ZNF423: variants seen among roughly 807,000 people sequenced by gnomAD.
ZNF423 encodes zinc finger protein 423.
A neutral mutation model predicts 95.8 loss-of-function variants in ZNF423; 12 were observed. The ratio of observed to expected loss-of-function variants is 0.13; its 90% CI spans 0.08 to 0.20. ZNF423 has a LOEUF of 0.20. Ranked by LOEUF, ZNF423 falls within the 10% of genes least tolerant of loss-of-function variation. ZNF423 has a pLI of 1.00. For synonymous variants in ZNF423, 749 were observed against 711.9 expected, an observed-to-expected ratio of 1.05 and a Z score of -0.83; for missense variants, 1,316 against 1,737.1, an observed-to-expected ratio of 0.76 and a Z score of 4.31.
At chr16:49,735,256 T>C (rs544409310) in intron 2 of ZNF423, among the ~76,000 whole-genome samples, 1 of 152,262 alleles carries the variant, frequency 6.6e-6, no homozygotes, top group African/African-American at 2.4e-5. Context: ...AGCAGGAAGA[T>C]TTCCGTTAAG....
chr16:49,783,726 C>T (rs1279420152), intron 2 of ZNF423, among the ~76,000 whole-genome samples: 1 of 151,942 alleles, frequency 6.6e-6, no homozygotes, highest in African/African-American at 2.4e-5. Context: ...CACTGGGAGC[C>T]TTTGGAAGGC....
At chr16:49,509,658 A>G (rs1967800605) in intron 7 of ZNF423, among the ~76,000 whole-genome samples, 1 of 152,088 alleles carries the variant, frequency 6.6e-6, no homozygotes, top group Non-Finnish European at 1.5e-5. Context: ...GGGCTAAGAC[A>G]TCCCCAGCCA....
intron 1 of ZNF423, among the ~76,000 whole-genome samples, chr16:49,814,802 G>C (rs548448857): frequency 7.9e-5 from 12 of 151,024 alleles, no homozygotes; most frequent in Admixed American, 1.3e-4. Context: ...GGCTCTGATA[G>C]GGGTGAGCCT....
At chr16:49,832,981 A>T (rs1487527482) in intron 1 of ZNF423, among the ~76,000 whole-genome samples, 1 of 152,214 alleles carries the variant, frequency 6.6e-6, no homozygotes, top group Non-Finnish European at 1.5e-5. Context: ...ATCAAAACAC[A>T]TCTGTGAGCA....
intron 7 of ZNF423, among the ~76,000 whole-genome samples, chr16:49,510,762 C>T (rs561018265): frequency 1.3e-4 from 20 of 152,116 alleles, no homozygotes; most frequent in Non-Finnish European, 2.2e-4. Flanking sequence ...GCCGGTGAGG[C>T]GCCGCCACTC....
At chr16:49,695,613 A>G (rs2031939841) in intron 3 of ZNF423, among the ~76,000 whole-genome samples, 1 of 151,252 alleles carries the variant, frequency 6.6e-6, no homozygotes, top group Admixed American at 6.6e-5. Context: ...TTTTAGTAGA[A>G]GCGGAGTTTC....
At chr16:49,844,511 G>A (rs551516197) in intron 1 of ZNF423, among the ~76,000 whole-genome samples, 1 of 152,280 alleles carries the variant, frequency 6.6e-6, no homozygotes, top group South Asian at 2.1e-4. Context: ...CAGAGGCTGG[G>A]GCAGCGGGAG....
intron 2 of ZNF423, among the ~76,000 whole-genome samples, chr16:49,770,203 CGAAT>C (rs10661234): frequency 1.8e-4 from 27 of 150,816 alleles, no homozygotes; most frequent in Admixed American, 1.3e-3. Context: ...AAAGAATGAA[CGAAT>C]GAATGAATGA....
chr16:49,748,173 C>A (rs74413956), intron 2 of ZNF423, among the ~76,000 whole-genome samples: 1 of 152,198 alleles, frequency 6.6e-6, no homozygotes. Flanking sequence ...AGAACAGTGC[C>A]TGGCACGTAG....
chr16:49,731,296 A>G (rs1331808650), intron 2 of ZNF423: 1 of 984,874 alleles, frequency 1.0e-6, no homozygotes, highest in African/African-American at 1.7e-5. Flanking sequence ...TCAGTTACAC[A>G]CCTTTTTAAA....
intron 1 of ZNF423, among the ~76,000 whole-genome samples, chr16:49,811,181 CG>C (rs945991885): frequency 6.6e-6 from 1 of 151,916 alleles, no homozygotes; most frequent in African/African-American, 2.4e-5. Context: ...ACAGATGGGA[CG>C]ATTTCAAGAA....
At chr16:49,738,040 T>G (rs1392566183) in intron 2 of ZNF423, among the ~76,000 whole-genome samples, 1 of 152,184 alleles carries the variant, frequency 6.6e-6, no homozygotes, top group Non-Finnish European at 1.5e-5. Context: ...CAGAGAGACC[T>G]AGGACAGAGC....
At chr16:49,731,434 G>T (rs2033165586) in intron 2 of ZNF423, 1 of 940,640 alleles carries the variant, frequency 1.1e-6, no homozygotes, top group South Asian at 4.9e-5. Flanking sequence ...AGTGACGTTG[G>T]CTCAGTTCTT....
intron 5 of ZNF423, among the ~76,000 whole-genome samples, chr16:49,619,560 T>C (rs1971987054): frequency 6.6e-6 from 1 of 151,370 alleles, no homozygotes; most frequent in Admixed American, 6.6e-5. Context: ...GAAGTGACTA[T>C]GCCCTAGTTT....
intron 3 of ZNF423, among the ~76,000 whole-genome samples, chr16:49,722,953 A>ATT (rs10533611): frequency 5.0e-4 from 65 of 130,886 alleles, no homozygotes; most frequent in Middle Eastern, 3.8e-3. Context: ...CGGGGTTCTA[A>ATT]TTTTTTTTTT....
At chr16:49,648,633 C>G (rs1233191540) in intron 3 of ZNF423, among the ~76,000 whole-genome samples, 1 of 148,036 alleles carries the variant, frequency 6.8e-6, no homozygotes. Context: ...GCCTGGGTGA[C>G]AGAGCAAGAC....
At chr16:49,707,155 C>G (rs1004397527) in intron 3 of ZNF423, among the ~76,000 whole-genome samples, 5 of 151,712 alleles carry the variant, frequency 3.3e-5, no homozygotes, top group Non-Finnish European at 5.9e-5. Flanking sequence ...GTACCTACCC[C>G]CGGGGTCCCT....
intron 5 of ZNF423, among the ~76,000 whole-genome samples, chr16:49,544,298 G>T (rs977415202): frequency 6.6e-6 from 1 of 152,198 alleles, no homozygotes; most frequent in East Asian, 1.9e-4. Context: ...TCGACTTCTC[G>T]ATCTGGATGT....
intron 1 of ZNF423, among the ~76,000 whole-genome samples, chr16:49,818,750 G>A (rs1350828560): frequency 6.6e-6 from 1 of 151,980 alleles, no homozygotes; most frequent in East Asian, 1.9e-4. Context: ...AGCTGAGTGT[G>A]ATGGTGAACG....
Sources: gnomAD v4.1 joint callset for allele counts (sites outside exome capture counted in the v4.1 genomes callset) on GRCh38, gnomAD v4.1.1 for gene constraint, MANE v1.5 for transcripts, NCBI Gene and HGNC (gene_info 2026-07-23, HGNC 2026-07-21) for gene names.